Variants in CEMIP observed in about 807,000 individuals in gnomAD.
The protein encoded by CEMIP is cell migration inducing hyaluronidase 1.
CEMIP carries 105 observed loss-of-function variants against 156.9 expected under a neutral mutation model. The observed-to-expected ratio is 0.67, with a 90% CI of 0.57 to 0.79. CEMIP has a LOEUF of 0.79. CEMIP is among the 30% of genes least tolerant of loss of function. The probability of loss-of-function intolerance (pLI) is 0.00; values close to 1 mark genes in which losing one functional copy is unlikely to be tolerated. For missense variants in CEMIP, 1,457 were observed against 1,769.4 expected (o/e 0.82, Z 3.17); for synonymous variants, 676 against 668.4 (o/e 1.01, Z -0.17).
chr15:80,906,588 G>C lies in CEMIP; in HGVS notation c.1412-75G>C. 1 of 1,446,418 alleles carries C rather than the reference G, an allele frequency of 6.9e-7. No individual in the cohort carries two copies. The highest frequency in any genetic ancestry group is 9.5e-7 in the Non-Finnish European group (1 of 1,048,496). The allele number at this position is 1,446,418 out of a possible 1,614,324, so 89.6% of individuals were successfully genotyped here. A position where few individuals can be genotyped will look rare whatever the true frequency, so the allele number is the denominator to read the frequency against. The stretch of plus-strand genomic sequence containing the variant: ...CGATGAGTAAGCAGCAGCCATGGAG[G>C]CACCTGGCAGGGGCCCAGAACTCAG... On this transcript the variant is annotated intron_variant, in intron 12 of 29. Transcript: ENST00000394685. The surrounding 1 kb of genome is among the most constrained non-coding windows in gnomAD (Gnocchi z 4.3).
intron 1 of CEMIP, among the ~76,000 whole-genome samples, chr15:80,805,618 A>G (rs1896495902): frequency 6.6e-6 from 1 of 152,230 alleles, no homozygotes; most frequent in Non-Finnish European, 1.5e-5. Context: ...CTTTATTATT[A>G]TGTTATTTAA....
At position 80,922,070 on chromosome 15, in the gene CEMIP, C is replaced by T. The variant is rs763377482; in HGVS notation, c.2135C>T (p.Ser712Phe). Residue 712 changes from serine to phenylalanine, a missense_variant, in exon 17 of 30, where the codon TCC (serine) becomes TTC (phenylalanine). This residue lies in a region of CEMIP where 798 missense variants were observed against 980.1 expected (regional missense o/e 0.81). Transcript: ENST00000394685. Reference protein sequence around the residue: ...VPTGPSVGMYSPGYSEHIPLG... With the variant: ...VPTGPSVGMYFPGYSEHIPLG... ...ACGGGCCCCTCCGTGGGAATGTACT[C>T]CCCAGGTTATTCAGAGCACATTCCA... 3 of 1,614,004 alleles carry T rather than the reference C, an allele frequency of 1.9e-6. No individual in the cohort carries two copies. In the Admixed American group the frequency reaches 5.0e-5, roughly 27 times the overall value.
intron 12 of CEMIP, among the ~76,000 whole-genome samples, chr15:80,904,243 G>T (rs1368797437): frequency 6.6e-6 from 1 of 152,206 alleles, no homozygotes; most frequent in Non-Finnish European, 1.5e-5. Flanking sequence ...GAAGGATTCT[G>T]TGCTGGGTGT....
chr15:80,885,316 T>G (rs1596158231), intron 7 of CEMIP, among the ~76,000 whole-genome samples: 2 of 152,308 alleles, frequency 1.3e-5, no homozygotes, highest in South Asian at 2.1e-4. Context: ...GGGCAGAAAT[T>G]CCCTGGGCAA....
chr15:80,890,131 A>T (rs1340432837), intron 10 of CEMIP, among the ~76,000 whole-genome samples: 1 of 152,244 alleles, frequency 6.6e-6, no homozygotes, highest in East Asian at 1.9e-4. Flanking sequence ...TTGAGTAAAT[A>T]TACAGGCCTC....
At chr15:80,838,035 T>C (rs1897302344) in intron 1 of CEMIP, among the ~76,000 whole-genome samples, 2 of 152,226 alleles carry the variant, frequency 1.3e-5, no homozygotes, top group African/African-American at 4.8e-5. Flanking sequence ...GTGTGCTGTA[T>C]GCAACAGCCC....
chr15:80,806,756 G>A (rs1896523862), intron 1 of CEMIP, among the ~76,000 whole-genome samples: 2 of 152,190 alleles, frequency 1.3e-5, no homozygotes, highest in East Asian at 3.8e-4. Flanking sequence ...TTTATGCATA[G>A]CGTTATCCTG....
At chr15:80,797,408 G>A (rs571254346) in intron 1 of CEMIP, among the ~76,000 whole-genome samples, 23 of 152,276 alleles carry the variant, frequency 1.5e-4, no homozygotes, top group South Asian at 6.2e-4. Context: ...GGACAGAGGC[G>A]TGCAGGGTCC....
At chr15:80,900,304 C>T (rs941032160) in intron 12 of CEMIP, among the ~76,000 whole-genome samples, 3 of 140,092 alleles carry the variant, frequency 2.1e-5, no homozygotes, top group Non-Finnish European at 4.7e-5. Flanking sequence ...TTCTGGAGGT[C>T]CCTGAAGGCT....
rs1900601329 is a variant in CEMIP, at chr15:80,924,857, A to G, written c.2288+151A>G. 4 of 758,802 alleles carry G rather than the reference A, an allele frequency of 5.3e-6. No homozygotes were observed. The South Asian group carries it at 5.9e-5, about 11-fold the overall frequency. The allele number at this position is 758,802 out of a possible 1,614,324, so 47.0% of individuals were successfully genotyped here. A position where few individuals can be genotyped will look rare whatever the true frequency, so the allele number is the denominator to read the frequency against. ...GCTAGTTGCTGGGGGTACAATGGTG[A>G]AAACCTGAGCAGGGTAAAGTCTGAA... On this transcript the variant is annotated intron_variant, in intron 18 of 29. Transcript: ENST00000394685.
At chr15:80,935,216 G>A (rs1381237530) in intron 23 of CEMIP, among the ~76,000 whole-genome samples, 2 of 152,132 alleles carry the variant, frequency 1.3e-5, no homozygotes, top group Non-Finnish European at 2.9e-5. Context: ...AAGAAGGGAA[G>A]TGGGGTCAGA....
chr15:80,844,115 C>G (rs1383062280), intron 1 of CEMIP, among the ~76,000 whole-genome samples: 1 of 152,264 alleles, frequency 6.6e-6, no homozygotes, highest in African/African-American at 2.4e-5. Flanking sequence ...AGGCTGCCAC[C>G]CAGCCATCGC....
At chr15:80,836,073 AT>A (rs55996446) in intron 1 of CEMIP, among the ~76,000 whole-genome samples, 70,935 of 134,346 alleles carry the variant, frequency 0.53, 18,270 homozygotes, top group East Asian at 0.66. Context: ...GACGGAAGTG[AT>A]TTTTTTTTTT....
At position 80,932,135 on chromosome 15, in the gene CEMIP, C is replaced by A; in HGVS notation, c.2793+96C>A. 1 of 1,421,576 alleles carries A rather than the reference C, an allele frequency of 7.0e-7. No individual in the cohort carries two copies. The highest frequency in any genetic ancestry group is 9.8e-7 in the Non-Finnish European group (1 of 1,020,968). The allele number at this position is 1,421,576 out of a possible 1,614,324, so 88.1% of individuals were successfully genotyped here. A position where few individuals can be genotyped will look rare whatever the true frequency, so the allele number is the denominator to read the frequency against. On this transcript the variant is annotated intron_variant, in intron 22 of 29. Transcript: ENST00000394685. The surrounding 1 kb of genome is among the most constrained non-coding windows in gnomAD (Gnocchi z 4.5). ...CCCAGAGTTTGAGCTATTGCCACCA[C>A]CGCAGGGGTTGAGAAGCCTCCTCCA...
At chr15:80,814,043 C>CTTTTTTTTT (rs778309859) in intron 1 of CEMIP, among the ~76,000 whole-genome samples, 21 of 73,744 alleles carry the variant, frequency 2.8e-4, no homozygotes, top group Non-Finnish European at 3.2e-4. Flanking sequence ...AACTCTTTGG[C>CTTTTTTTTT]TTTTTTTTTT....
chr15:80,810,726 G>C (rs1339939596), intron 1 of CEMIP, among the ~76,000 whole-genome samples: 1 of 152,052 alleles, frequency 6.6e-6, no homozygotes, highest in East Asian at 1.9e-4. Flanking sequence ...TCTGCTCCTT[G>C]TCTATTCACC....
At chr15:80,833,722 G>A (rs181169828) in intron 1 of CEMIP, among the ~76,000 whole-genome samples, 36 of 148,480 alleles carry the variant, frequency 2.4e-4, no homozygotes, top group African/African-American at 8.9e-4. Context: ...AGGCTGGAGT[G>A]CAGTGGCATG....
At chr15:80,835,523 A>G (rs1027071133) in intron 1 of CEMIP, among the ~76,000 whole-genome samples, 1 of 152,238 alleles carries the variant, frequency 6.6e-6, no homozygotes, top group African/African-American at 2.4e-5. Context: ...GGGGCAGCCA[A>G]TCTCTGCTTT....
At chr15:80,835,123 G>C (rs944775911) in intron 1 of CEMIP, among the ~76,000 whole-genome samples, 1 of 152,170 alleles carries the variant, frequency 6.6e-6, no homozygotes, top group Non-Finnish European at 1.5e-5. Context: ...GAGAGCAAGA[G>C]AGCATGCAGC....
Sources: allele counts gnomAD v4.1 joint callset (sites outside exome capture counted in the v4.1 genomes callset), GRCh38; gene constraint gnomAD v4.1.1; regional missense constraint gnomAD v4.1.1; non-coding constraint Gnocchi (gnomAD v3.1); transcripts MANE v1.5; gene names NCBI Gene and HGNC (gene_info 2026-07-23, HGNC 2026-07-21).